The following BCAS1 variants were observed in gnomAD, a reference collection of about 807,000 sequenced individuals.
BCAS1 encodes brain enriched myelin associated protein 1.
A neutral mutation model predicts 65.4 loss-of-function variants in BCAS1; 46 were observed. The ratio of observed to expected loss-of-function variants is 0.70; its 90% CI spans 0.55 to 0.90. BCAS1 has a LOEUF of 0.90. Among genes scored for constraint, BCAS1 ranks in the 40% least tolerant of loss-of-function variants. The pLI is 0.00. For synonymous variants in BCAS1, 298 were observed against 293.5 expected (o/e 1.02, Z -0.16); for missense variants, 793 against 771.2 (o/e 1.03, Z -0.33).
At chr20:53,957,375 G>T in intron 11 of BCAS1, 57 bp downstream of exon 11, 1 of 1,453,952 alleles carries the variant, frequency 6.9e-7, no homozygotes, top group Non-Finnish European at 9.7e-7. Flanking sequence ...AGTATACTGT[G>T]AAGAAGTGAG....
At chr20:54,006,596 G>C (rs562735537) in intron 4 of BCAS1, among the ~76,000 whole-genome samples, 10 of 152,036 alleles carry the variant, frequency 6.6e-5, no homozygotes, top group Non-Finnish European at 1.2e-4. Flanking sequence ...TGTAATCCCA[G>C]CTACGGTGGA....
chr20:53,969,813 G>T (rs73137794), intron 9 of BCAS1, among the ~76,000 whole-genome samples: 1 of 152,192 alleles, frequency 6.6e-6, no homozygotes, highest in Non-Finnish European at 1.5e-5. Context: ...CACAGCCAAA[G>T]ACTTGCACCA....
intron 4 of BCAS1, among the ~76,000 whole-genome samples, chr20:53,998,087 T>C (rs2090964798): frequency 6.6e-6 from 1 of 152,034 alleles, no homozygotes; most frequent in African/African-American, 2.4e-5. Context: ...ACAGAAGACT[T>C]GGTATTTCTA....
chr20:53,994,733 A>G (rs147415946), intron 6 of BCAS1, among the ~76,000 whole-genome samples: 2 of 152,294 alleles, frequency 1.3e-5, no homozygotes, highest in East Asian at 3.9e-4. Flanking sequence ...TTCTTATGCT[A>G]TATAAGAAAT....
chr20:54,067,623 G>A (rs2092460407), intron 1 of BCAS1, among the ~76,000 whole-genome samples: 1 of 152,186 alleles, frequency 6.6e-6, no homozygotes, highest in African/African-American at 2.4e-5. Flanking sequence ...GATGGTCCAT[G>A]TCGCCTCCTT....
At chr20:54,013,850 T>A (rs2091375016) in intron 4 of BCAS1, among the ~76,000 whole-genome samples, 1 of 152,182 alleles carries the variant, frequency 6.6e-6, no homozygotes, top group Admixed American at 6.5e-5. Context: ...TTACCGTTTG[T>A]GTAAAAAAGA....
chr20:53,982,639 G>T (rs1390658690), intron 8 of BCAS1, among the ~76,000 whole-genome samples: 1 of 152,096 alleles, frequency 6.6e-6, no homozygotes, highest in South Asian at 2.1e-4. Context: ...ATTTCCCTTT[G>T]CATTTTTCAA....
At chr20:53,981,539 CTT>C (rs36063430) in intron 8 of BCAS1, among the ~76,000 whole-genome samples, 54 of 130,664 alleles carry the variant, frequency 4.1e-4, no homozygotes, top group Admixed American at 4.6e-4. Flanking sequence ...ATTTGGCGTT[CTT>C]TTTTTTTTTT....
intron 1 of BCAS1, among the ~76,000 whole-genome samples, chr20:54,061,871 C>T (rs467267): frequency 0.49 from 74,985 of 151,992 alleles, 20,141 homozygotes; most frequent in African/African-American, 0.72. Context: ...TCCTCAAGAC[C>T]AGGGTTGGCA....
intron 1 of BCAS1, among the ~76,000 whole-genome samples, chr20:54,062,297 G>T (rs2092385624): frequency 6.6e-6 from 1 of 152,204 alleles, no homozygotes; most frequent in African/African-American, 2.4e-5. Context: ...CTTACCATCT[G>T]TTGAGAAACT....
intron 9 of BCAS1, among the ~76,000 whole-genome samples, chr20:53,974,685 T>C (rs991157242): frequency 2.0e-5 from 3 of 152,200 alleles, no homozygotes; most frequent in African/African-American, 7.2e-5. Flanking sequence ...TCCCAAAGAC[T>C]GCGCACTTCT....
At chr20:53,984,846 T>A (rs956472409) in intron 8 of BCAS1, among the ~76,000 whole-genome samples, 5 of 152,118 alleles carry the variant, frequency 3.3e-5, no homozygotes, top group Admixed American at 6.5e-5. Context: ...AAAAGGATAG[T>A]GGAGACCTAG....
intron 10 of BCAS1, among the ~76,000 whole-genome samples, chr20:53,963,484 GAAAA>G: frequency 7.1e-6 from 1 of 141,822 alleles, no homozygotes; most frequent in Non-Finnish European, 1.6e-5. Context: ...GTCTCAAAAA[GAAAA>G]AAAAAAGAAA....
chr20:54,034,518 GCACT>G lies in BCAS1; in HGVS notation c.143-5550_143-5547del, dbSNP rs1244821342. ...TCAAGCCAGGAGCCAAACCAGGAAT[GCACT>G]CCCACTCACAATCGCCACAAAAAGA... On this transcript the variant is annotated intron_variant, in intron 3 of 12. Transcript: ENST00000688948. Among the ~76,000 whole-genome samples, 12 of 151,158 alleles carry G rather than the reference GCACT, an allele frequency of 7.9e-5. 2 individuals are homozygous for G. Among genetic ancestry groups the G allele is most frequent in the Admixed American group, 3.3e-4 (5 of 15,126 alleles).
rs2090751087 is a variant in BCAS1 at position 53,991,212 on chromosome 20, G to A, written c.1062+1300C>T. Among the ~76,000 whole-genome samples, 4 of 152,170 alleles carry A rather than the reference G, an allele frequency of 2.6e-5. No homozygotes were observed. The South Asian group carries it at 8.3e-4, about 32-fold the overall frequency. ...ATGAGATCTATGACGCGTTTCACCA[G>A]CAGTTACTAAGTTATTTCCCAGCAG... On this transcript the variant is annotated intron_variant, in intron 7 of 12. Transcript: ENST00000688948.
At chr20:53,996,168 C>T in intron 4 of BCAS1, 118 bp from the exon 5 acceptor site, 1 of 1,026,968 alleles carries the variant, frequency 9.7e-7, no homozygotes, top group Non-Finnish European at 1.4e-6. Flanking sequence ...TTCTTCTGCC[C>T]ACAGGCGTGC....
intron 8 of BCAS1, among the ~76,000 whole-genome samples, chr20:53,980,203 A>T (rs1292551721): frequency 6.6e-6 from 1 of 152,170 alleles, no homozygotes; most frequent in Non-Finnish European, 1.5e-5. Context: ...TATTGTTTAT[A>T]TTTTGGACTG....
intron 7 of BCAS1, among the ~76,000 whole-genome samples, chr20:53,987,048 C>G (rs1442448578): frequency 6.6e-6 from 1 of 152,192 alleles, no homozygotes; most frequent in Admixed American, 6.5e-5. Flanking sequence ...ACAACCTGGC[C>G]TCAAGTCTGA....
At chr20:54,020,082 TATAAG>T (rs1299298861) in intron 4 of BCAS1, among the ~76,000 whole-genome samples, 3 of 152,236 alleles carry the variant, frequency 2.0e-5, no homozygotes, top group Non-Finnish European at 4.4e-5. Flanking sequence ...TTTTTAAAGA[TATAAG>T]ATGTTTCAAA....
Sources: allele counts gnomAD v4.1 joint callset (sites outside exome capture counted in the v4.1 genomes callset), GRCh38; gene constraint gnomAD v4.1.1; transcripts MANE v1.5; gene names NCBI Gene and HGNC (gene_info 2026-07-23, HGNC 2026-07-21).